TAX1BP1: variants seen among roughly 807,000 people sequenced by gnomAD.
TAX1BP1 encodes the protein tax1-binding protein 1.
A neutral mutation model predicts 97.7 loss-of-function variants in TAX1BP1; 62 were observed. The observed-to-expected ratio is 0.63, with a 90% CI of 0.52 to 0.78. TAX1BP1 has a LOEUF of 0.78. TAX1BP1 is among the 30% of genes least tolerant of loss of function. The probability of loss-of-function intolerance (pLI) is 0.00; values close to 1 mark genes in which losing one functional copy is unlikely to be tolerated. For missense variants in TAX1BP1, 867 were observed against 916.1 expected (o/e 0.95, Z 0.69); for synonymous variants, 340 against 304.2 (o/e 1.12, Z -1.23).
At chr7:27,749,408 T>C (rs1166026377) in intron 2 of TAX1BP1, among the ~76,000 whole-genome samples, 1 of 152,232 alleles carries the variant, frequency 6.6e-6, no homozygotes, top group African/African-American at 2.4e-5. Flanking sequence ...ACTTTTCTCC[T>C]GTGTTATTCT....
At chr7:27,782,721 C>T (rs1290090470) in intron 5 of TAX1BP1, among the ~76,000 whole-genome samples, 1 of 152,162 alleles carries the variant, frequency 6.6e-6, no homozygotes, top group Admixed American at 6.5e-5. Context: ...TAGCAATTTT[C>T]ATAAATAATT....
intron 1 of TAX1BP1, among the ~76,000 whole-genome samples, chr7:27,745,351 A>C (rs1435273544): frequency 1.3e-5 from 2 of 152,196 alleles, no homozygotes; most frequent in African/African-American, 4.8e-5. Flanking sequence ...CATTTTTGTA[A>C]GCTTGCCTAA....
At chr7:27,743,496 G>A (rs1194325691) in intron 1 of TAX1BP1, among the ~76,000 whole-genome samples, 1 of 152,184 alleles carries the variant, frequency 6.6e-6, no homozygotes, top group Non-Finnish European at 1.5e-5. Context: ...ACACTTCTAA[G>A]GGTACAAAGC....
chr7:27,825,664 C>G (rs1022683898), intron 15 of TAX1BP1, among the ~76,000 whole-genome samples: 3 of 152,036 alleles, frequency 2.0e-5, no homozygotes, highest in African/African-American at 7.2e-5. Flanking sequence ...CCTTTTTTCC[C>G]CTCCAGGTAT....
Position 27,799,996 on chromosome 7 carries a change from A to G in TAX1BP1, c.1670A>G (p.Asp557Gly), listed in dbSNP as rs1790071224. ...DEKAKCNKYADELAKMELKWK... is the reference protein window; with the variant it reads ...DEKAKCNKYAGELAKMELKWK... The stretch of plus-strand genomic sequence containing the variant: ...AAAGCAAAATGCAATAAATATGCTG[A>G]TGAACTTGCAAAAATGGAGCTGAAA... The change falls in exon 13 of 17, where the codon GAT (aspartate) becomes GGT (glycine). Residue 557 changes from aspartate to glycine, a missense_variant. Physicochemically the swap from Asp to Gly is moderately conservative, Grantham distance 94. This residue lies in a region of TAX1BP1 where 822 missense variants were observed against 851.4 expected (regional missense o/e 0.97). Transcript: ENST00000396319. The G allele has an allele frequency of 6.2e-7, 1 of 1,602,164 alleles. No homozygotes were observed. The highest frequency in any genetic ancestry group is 1.7e-5 in the Admixed American group (1 of 57,654).
At chr7:27,793,025 C>A in intron 9 of TAX1BP1, 41 bp from the exon 10 acceptor site, 1 of 1,540,372 alleles carries the variant, frequency 6.5e-7, no homozygotes, top group South Asian at 1.2e-5. Flanking sequence ...TAGGAGGTAT[C>A]AGATTTTTAT....
chr7:27,758,079 A>G lies in TAX1BP1; in HGVS notation c.211A>G (p.Met71Val), dbSNP rs574704004. The G allele has an allele frequency of 7.4e-6, 12 of 1,612,468 alleles. No individual in the cohort carries two copies. Among genetic ancestry groups the G allele is most frequent in the African/African-American group, 2.7e-5 (2 of 74,880 alleles). The change falls in exon 3 of 17, where the codon ATG becomes GTG. Residue 71 changes from methionine (M) to valine (V), a missense_variant. Transcript: ENST00000396319. ...TTATTACACGTTTTTATGGTCCCCT[A>G]TGCCTGAACATTATGTGGAAGGATC... ...RDYYTFLWSP[M>V]PEHYVEGSTV... is the part of the protein sequence containing the mutation.
chr7:27,817,152 A>C, intron 15 of TAX1BP1, 114 bp downstream of exon 15: 1 of 1,281,440 alleles, frequency 7.8e-7, no homozygotes, highest in Admixed American at 2.7e-5. Context: ...GTGTGTGTGG[A>C]AGGAGAGTGT....
intron 1 of TAX1BP1, among the ~76,000 whole-genome samples, chr7:27,744,627 T>C (rs891895568): frequency 6.6e-6 from 1 of 152,172 alleles, no homozygotes; most frequent in Non-Finnish European, 1.5e-5. Context: ...TATTTTTCAG[T>C]AAGTTCACTA....
chr7:27,787,633 A>T (rs927063719), intron 8 of TAX1BP1, 30 bp downstream of exon 8: 2 of 1,537,684 alleles, frequency 1.3e-6, no homozygotes, highest in African/African-American at 1.4e-5. Context: ...ATATTTGAAG[A>T]TTGTAAAACA....
At chr7:27,768,493 A>C (rs566528102) in intron 4 of TAX1BP1, among the ~76,000 whole-genome samples, 2 of 152,056 alleles carry the variant, frequency 1.3e-5, no homozygotes, top group Admixed American at 1.3e-4. Context: ...GGAAAAGGTG[A>C]TTCTTTTATA....
intron 1 of TAX1BP1, among the ~76,000 whole-genome samples, chr7:27,744,975 TG>T (rs571683664): frequency 1.1e-3 from 160 of 152,350 alleles, no homozygotes; most frequent in African/African-American, 3.8e-3. Context: ...GTAGGAAACC[TG>T]GAAGAGGGCA....
At chr7:27,777,512 G>A (rs1583695697) in intron 5 of TAX1BP1, among the ~76,000 whole-genome samples, 1 of 152,042 alleles carries the variant, frequency 6.6e-6, no homozygotes, top group East Asian at 1.9e-4. Context: ...TGAGTTCCAG[G>A]CACTGTTCCC....
At position 27,816,885 on chromosome 7, in the gene TAX1BP1, T is replaced by TA; in HGVS notation, c.1937-4dup. On this transcript the variant is annotated splice_polypyrimidine_tract_variant and splice_region_variant and intron_variant, in intron 14 of 16. Coordinates refer to ENST00000396319, the MANE Select transcript of TAX1BP1 (RefSeq NM_006024.7). ...CACTCTACCTTTCCAAAAATTTTAT[T>TA]ACAGATGGAGCAGATGGTGCTTTTT... 1 of 1,613,578 alleles carries TA rather than the reference T, an allele frequency of 6.2e-7. No individual in the cohort carries two copies. Among genetic ancestry groups the TA allele is most frequent in the South Asian group, 1.1e-5 (1 of 91,006 alleles).
At chr7:27,760,426 T>G (rs540022775) in intron 3 of TAX1BP1, among the ~76,000 whole-genome samples, 3 of 150,674 alleles carry the variant, frequency 2.0e-5, no homozygotes, top group Admixed American at 6.6e-5. Flanking sequence ...GGCTTCTTGC[T>G]CTGTCTCCCA....
At chr7:27,756,853 A>G (rs1788238258) in intron 2 of TAX1BP1, among the ~76,000 whole-genome samples, 1 of 152,180 alleles carries the variant, frequency 6.6e-6, no homozygotes, top group African/African-American at 2.4e-5. Flanking sequence ...AATAGTGTCA[A>G]ATGTTTTTTA....
rs112177189 is a variant in TAX1BP1, at chr7:27,755,057, G to A, written c.163-2974G>A. Among the ~76,000 whole-genome samples the A allele has an allele frequency of 5.8e-3, 880 of 152,186 alleles. 6 individuals carry two copies. Among genetic ancestry groups the A allele is most frequent in the African/African-American group, 0.017 (699 of 41,510 alleles). Reference sequence around the variant, plus strand: ...TGAATCAATGTTGCATACTCCCTGTGTATATCTAGGCATTTTTGCAGTCAT... The same window carrying A: ...TGAATCAATGTTGCATACTCCCTGTATATATCTAGGCATTTTTGCAGTCAT... On this transcript the variant is annotated intron_variant, in intron 2 of 16. Transcript: ENST00000396319.
intron 13 of TAX1BP1, among the ~76,000 whole-genome samples, chr7:27,815,480 CT>C (rs1424897717): frequency 2.0e-5 from 3 of 151,924 alleles, no homozygotes; most frequent in African/African-American, 2.4e-5. Flanking sequence ...GTTAAAATGA[CT>C]TTTTTTGTGA....
intron 4 of TAX1BP1, among the ~76,000 whole-genome samples, chr7:27,767,125 T>C (rs889577014): frequency 6.6e-6 from 1 of 152,134 alleles, no homozygotes; most frequent in Admixed American, 6.5e-5. Context: ...TTTCAATATC[T>C]TTATCCTATA....
Sources: allele counts gnomAD v4.1 joint callset (sites outside exome capture counted in the v4.1 genomes callset), GRCh38; gene constraint gnomAD v4.1.1; regional missense constraint gnomAD v4.1.1; transcripts MANE v1.5; gene names NCBI Gene and HGNC (gene_info 2026-07-23, HGNC 2026-07-21).